The following PKD1L1 variants were observed in gnomAD, a reference collection of about 807,000 sequenced individuals.
The protein encoded by PKD1L1 is polycystin 1 like 1, transient receptor potential channel interacting, also known as polycystin-1-like protein 1.
Under a neutral mutation model 323.4 loss-of-function variants are expected in PKD1L1, and 236 were observed. The observed-to-expected ratio is 0.73, with a 90% CI of 0.66 to 0.81. PKD1L1 has a LOEUF of 0.81. Ranked by LOEUF, PKD1L1 falls within the 40% of genes least tolerant of loss-of-function variation. PKD1L1 has a pLI of 0.00. For missense variants in PKD1L1, 3,320 were observed against 3,508.0 expected (o/e 0.95, Z 1.35); for synonymous variants, 1,344 against 1,335.0 (o/e 1.01, Z -0.15).
rs111408988 is a variant in PKD1L1 at position 47,861,775 on chromosome 7, G to A, written c.4150-2890C>T. Among the ~76,000 whole-genome samples the A allele has an allele frequency of 8.9e-3, 1,341 of 151,410 alleles. 20 individuals carry two copies. The highest frequency in any genetic ancestry group is 0.031 in the African/African-American group (1,287 of 41,316). On this transcript the variant is annotated intron_variant, in intron 26 of 56. Coordinates refer to ENST00000289672, the MANE Select transcript of PKD1L1 (RefSeq NM_138295.5). ...GTGCGCCTGTAGTCTCAGCTGCTGG[G>A]GAGGCTGAGGCAGGAGAATGGCGTG...
intron 8 of PKD1L1, 67 bp downstream of exon 8, chr7:47,915,365 A>C (rs573494540): frequency 4.6e-5 from 35 of 768,090 alleles, no homozygotes; most frequent in Admixed American, 4.4e-4. Flanking sequence ...AAACCAATGA[A>C]AATTCCTGAC....
chr7:47,808,815 G>C (rs1784835256), intron 51 of PKD1L1, among the ~76,000 whole-genome samples: 1 of 152,198 alleles, frequency 6.6e-6, no homozygotes, highest in Admixed American at 6.5e-5. Context: ...CTCTGGGTGA[G>C]GCACTGAGTG....
intron 56 of PKD1L1, among the ~76,000 whole-genome samples, chr7:47,787,134 C>G (rs1184251210): frequency 6.6e-6 from 1 of 151,964 alleles, no homozygotes; most frequent in Non-Finnish European, 1.5e-5. Context: ...TCCCCTCACA[C>G]AAAAAAGGGT....
chr7:47,828,624 C>T (rs139172549), intron 44 of PKD1L1, among the ~76,000 whole-genome samples: 7 of 152,236 alleles, frequency 4.6e-5, no homozygotes, highest in Non-Finnish European at 8.8e-5. Flanking sequence ...ACAAATGATC[C>T]GATAAATGTA....
rs1486282353 is a variant in PKD1L1 at position 47,781,415 on chromosome 7, T to G, written c.8527-6249A>C. On this transcript the variant is annotated intron_variant, in intron 56 of 56. Coordinates refer to ENST00000289672, the MANE Select transcript of PKD1L1 (RefSeq NM_138295.5). The stretch of plus-strand genomic sequence containing the variant: ...TTTTTTTTTGTTTTGTTTTGTTTTT[T>G]TTTTTTTTTTTGAGACAGAGTCTCA... Among the ~76,000 whole-genome samples the G allele has an allele frequency of 2.9e-4, 37 of 128,146 alleles. 1 individual carries two copies. Among genetic ancestry groups the G allele is most frequent in the African/African-American group, 9.3e-4 (32 of 34,526 alleles). The allele number at this position is 128,146 out of a possible 152,430, so 84.1% of individuals were successfully genotyped here.
intron 4 of PKD1L1, among the ~76,000 whole-genome samples, chr7:47,933,466 C>T (rs1787810326): frequency 6.6e-6 from 1 of 152,148 alleles, no homozygotes; most frequent in East Asian, 1.9e-4. Flanking sequence ...AATAAACTCC[C>T]TGTTTATTAA....
chr7:47,870,268 G>A (rs1786254174), intron 24 of PKD1L1, among the ~76,000 whole-genome samples: 1 of 151,836 alleles, frequency 6.6e-6, no homozygotes, highest in South Asian at 2.1e-4. Context: ...GAATGAAATA[G>A]AGAATAGAAA....
chr7:47,886,467 G>A (rs1281167829), intron 17 of PKD1L1, among the ~76,000 whole-genome samples: 1 of 152,132 alleles, frequency 6.6e-6, no homozygotes, highest in East Asian at 1.9e-4. Context: ...GCCCCTCTAA[G>A]TCTCATGTTG....
rs767032270 is a variant in PKD1L1 at position 47,821,202 on chromosome 7, T to C, written c.6855-16A>G. 1.2e-4 allele frequency: 180 copies of C among 1,541,054 alleles called. No homozygotes were observed. Among genetic ancestry groups the C allele is most frequent in the Non-Finnish European group, 2.7e-5 (30 of 1,114,194 alleles). On this transcript the variant is annotated splice_polypyrimidine_tract_variant and intron_variant, in intron 45 of 56. Coordinates refer to ENST00000289672, the MANE Select transcript of PKD1L1 (RefSeq NM_138295.5). ...GGAAATGTCTCTGTAAGAAGAGTTT[T>C]TAAGTTAGCATCCATACAGACCCTG...
At chr7:47,847,213 A>C (rs1298000329) in intron 31 of PKD1L1, 142 bp from the exon 32 acceptor site, 1 of 584,006 alleles carries the variant, frequency 1.7e-6, no homozygotes, top group Non-Finnish European at 2.7e-6. Flanking sequence ...ATCAAATTCT[A>C]GCCATTTCCT....
intron 32 of PKD1L1, among the ~76,000 whole-genome samples, chr7:47,846,116 G>A (rs1785660905): frequency 6.6e-6 from 1 of 152,118 alleles, no homozygotes; most frequent in South Asian, 2.1e-4. Context: ...GGTATGATCT[G>A]GATATATTTG....
At chr7:47,949,317 C>T (rs1389361374), upstream of PKD1L1, among the ~76,000 whole-genome samples, 1 of 143,846 alleles carries the variant, frequency 7.0e-6, no homozygotes, top group African/African-American at 2.6e-5. Context: ...TGCAGTGAGC[C>T]GAGATCGTGC....
intron 31 of PKD1L1, among the ~76,000 whole-genome samples, chr7:47,848,599 A>G (rs1026074220): frequency 1.3e-5 from 2 of 152,166 alleles, no homozygotes; most frequent in Non-Finnish European, 2.9e-5. Context: ...TGAGGTCGGG[A>G]GTTCGAGACC....
chr7:47,818,473 G>A (rs192659730), intron 46 of PKD1L1, among the ~76,000 whole-genome samples: 2 of 152,252 alleles, frequency 1.3e-5, no homozygotes, highest in East Asian at 3.9e-4. Context: ...CACCACTTTC[G>A]GGGAAATGGT....
At chr7:47,929,054 G>T in intron 7 of PKD1L1, 150 bp downstream of exon 7, 1 of 740,804 alleles carries the variant, frequency 1.3e-6, no homozygotes. Context: ...TCCGCAGTGT[G>T]CCACTGAGCT....
At chr7:47,829,203 T>C (rs1463771999) in intron 44 of PKD1L1, among the ~76,000 whole-genome samples, 1 of 152,168 alleles carries the variant, frequency 6.6e-6, no homozygotes, top group Non-Finnish European at 1.5e-5. Flanking sequence ...GCTCATTTTC[T>C]TGATGCTCTA....
intron 33 of PKD1L1, 80 bp from the exon 34 acceptor site, chr7:47,843,249 C>T: frequency 2.8e-6 from 3 of 1,067,898 alleles, no homozygotes; most frequent in South Asian, 3.2e-5. Context: ...CACCCCTAGC[C>T]CCTTACACAC....
Position 47,800,847 on chromosome 7 carries a change from G to T in PKD1L1, c.7995C>A (p.Ser2665=). Residue 2665 remains serine, a synonymous_variant, in exon 54 of 57, where the codon TCC becomes TCA. Coordinates refer to ENST00000289672, the MANE Select transcript of PKD1L1 (RefSeq NM_138295.5). ...TAGAGAGCAGAAATCGGTGCAGGTG[G>T]GAGAGGGCGGCCAGCATCAGTGCCC... is the stretch of plus-strand genomic sequence containing the variant. The part of the protein sequence containing the change: ...LVGALMLAAL[S]HLHRFLLSMW... The T allele has an allele frequency of 6.2e-7, 1 of 1,613,994 alleles. No homozygotes were observed. Among genetic ancestry groups the T allele is most frequent in the South Asian group, 1.1e-5 (1 of 91,062 alleles).
chr7:47,785,987 C>T (rs1350815976), intron 56 of PKD1L1, among the ~76,000 whole-genome samples: 1 of 152,154 alleles, frequency 6.6e-6, no homozygotes, highest in Non-Finnish European at 1.5e-5. Flanking sequence ...AGTGATCCAC[C>T]TGCCTCGGCC....
Sources: gnomAD v4.1 joint callset for allele counts (sites outside exome capture counted in the v4.1 genomes callset) on GRCh38, gnomAD v4.1.1 for gene constraint, MANE v1.5 for transcripts, NCBI Gene and HGNC (gene_info 2026-07-23, HGNC 2026-07-21) for gene names.